The following FMN2 variants were observed in gnomAD, a reference collection of about 807,000 sequenced individuals.
FMN2 encodes formin-2.
In FMN2, 51 loss-of-function variants were observed where a neutral mutation model predicts 142.3. The observed-to-expected ratio is 0.36, with a 90% confidence interval of 0.29 to 0.45. The LOEUF is 0.45. Ranked by LOEUF, FMN2 falls within the 20% of genes least tolerant of loss-of-function variation. The pLI, the probability that FMN2 is intolerant of heterozygous loss-of-function variation, is 1.00. For synonymous variants in FMN2, 882 were observed against 869.8 expected (o/e 1.01, Z -0.25); for missense variants, 1,936 against 2,122.8 (o/e 0.91, Z 1.73).
At chr1:240,435,143 A>T (rs952903478) in intron 15 of FMN2, among the ~76,000 whole-genome samples, 3 of 151,654 alleles carry the variant, frequency 2.0e-5, no homozygotes, top group African/African-American at 7.3e-5. Flanking sequence ...TTATTGAAAA[A>T]TTTTTGCCTC....
At chr1:240,374,289 C>T (rs140059504) in intron 14 of FMN2, among the ~76,000 whole-genome samples, 11 of 152,332 alleles carry the variant, frequency 7.2e-5, no homozygotes, top group Non-Finnish European at 1.3e-4. Context: ...CTCACTTCAA[C>T]TGAAAGTCAC....
At chr1:240,185,657 C>T (rs559609943) in intron 3 of FMN2, among the ~76,000 whole-genome samples, 45 of 152,224 alleles carry the variant, frequency 3.0e-4, no homozygotes, top group Admixed American at 9.2e-4. Context: ...GTCCAGTTAC[C>T]GGGTCAAGGA....
At chr1:240,146,056 A>G (rs1456371413) in intron 2 of FMN2, among the ~76,000 whole-genome samples, 1 of 151,906 alleles carries the variant, frequency 6.6e-6, no homozygotes, top group Admixed American at 6.6e-5. Flanking sequence ...GATAGGGTCT[A>G]CATATGCCAC....
At chr1:240,380,987 C>T (rs891672391) in intron 14 of FMN2, among the ~76,000 whole-genome samples, 1 of 151,942 alleles carries the variant, frequency 6.6e-6, no homozygotes, top group Admixed American at 6.6e-5. Context: ...AACTTAGTAA[C>T]AAGTAATGAA....
intron 15 of FMN2, 96 bp from the exon 16 acceptor site, chr1:240,437,965 G>A (rs1480293958): frequency 7.0e-7 from 1 of 1,418,832 alleles, no homozygotes; most frequent in African/African-American, 1.4e-5. Flanking sequence ...AATAATAATT[G>A]TGCATGAATA....
chr1:240,250,508 T>G (rs989616356), intron 6 of FMN2, among the ~76,000 whole-genome samples: 2 of 152,200 alleles, frequency 1.3e-5, no homozygotes, highest in East Asian at 1.9e-4. Flanking sequence ...TAAGGATTTT[T>G]GCATCTCTGT....
intron 1 of FMN2, among the ~76,000 whole-genome samples, chr1:240,112,709 G>T (rs1367581885): frequency 1.3e-5 from 2 of 152,204 alleles, no homozygotes; most frequent in African/African-American, 4.8e-5. Flanking sequence ...TGCACCTGCT[G>T]GGGGTGTGTT....
At chr1:240,438,722 A>G (rs1354769851) in intron 16 of FMN2, among the ~76,000 whole-genome samples, 1 of 152,186 alleles carries the variant, frequency 6.6e-6, no homozygotes, top group African/African-American at 2.4e-5. Flanking sequence ...TCTAAAATAA[A>G]TCTTTTCAGG....
In FMN2 at chr1:240,121,961, A is replaced by G. The variant is rs111407854; in HGVS notation, c.1616-1218A>G. Among the ~76,000 whole-genome samples the G allele has an allele frequency of 7.2e-5, 11 of 151,806 alleles. 1 individual carries two copies. The highest frequency in any genetic ancestry group is 1.9e-4 in the African/African-American group (8 of 41,374). On this transcript the variant is annotated intron_variant, in intron 1 of 17. Transcript: ENST00000319653. Reference sequence around the variant, plus strand: ...ATGATGGACACTGTGAATGTCAGTCACTGATATTTCTGAGTCTAAATGGCG... The same window carrying G: ...ATGATGGACACTGTGAATGTCAGTCGCTGATATTTCTGAGTCTAAATGGCG...
intron 15 of FMN2, among the ~76,000 whole-genome samples, chr1:240,395,502 A>G (rs1673744566): frequency 6.6e-6 from 1 of 152,244 alleles, no homozygotes. Flanking sequence ...TCACCATTCT[A>G]GATGCCATCA....
rs1253900743 is a variant in FMN2, at chr1:240,170,039, G to A, written c.1783-7882G>A. The A allele has an allele frequency of 1.4e-5, 8 of 570,682 alleles. No individual in the cohort carries two copies. In the African/African-American group the frequency reaches 1.5e-4, roughly 11 times the overall value. 35.4% of individuals were successfully genotyped at this position (570,682 alleles called of 1,614,324 possible). ...AACTCAGATTAATTCCCACACAGATGGACATTCTGTCTCTACTCACAGATA... is the reference window on the plus strand; with the variant it reads ...AACTCAGATTAATTCCCACACAGATAGACATTCTGTCTCTACTCACAGATA... On this transcript the variant is annotated intron_variant, in intron 2 of 17. Transcript: ENST00000319653.
intron 15 of FMN2, among the ~76,000 whole-genome samples, chr1:240,410,719 T>C (rs1197569355): frequency 6.6e-6 from 1 of 152,248 alleles, no homozygotes; most frequent in Non-Finnish European, 1.5e-5. Flanking sequence ...TGATAAATTG[T>C]CTGCTTTTCT....
At chr1:240,360,860 C>G (rs562941997) in intron 14 of FMN2, among the ~76,000 whole-genome samples, 5 of 151,946 alleles carry the variant, frequency 3.3e-5, no homozygotes, top group East Asian at 1.9e-4. Flanking sequence ...TCTCAGCAAA[C>G]TATCGCAAGG....
intron 3 of FMN2, among the ~76,000 whole-genome samples, chr1:240,181,308 T>G (rs568881859): frequency 1.0e-3 from 158 of 152,336 alleles, no homozygotes; most frequent in African/African-American, 3.3e-3. Context: ...TGGGCCTTTT[T>G]TCCAGCTCTT....
At chr1:240,149,493 TTTA>T (rs1284616942) in intron 2 of FMN2, among the ~76,000 whole-genome samples, 1 of 152,222 alleles carries the variant, frequency 6.6e-6, no homozygotes, top group Non-Finnish European at 1.5e-5. Context: ...AGTGTTGATT[TTTA>T]TTTTCCCCAT....
rs140615241 is a variant in FMN2, at chr1:240,135,102, A to T, written c.1782+11757A>T. ...TGCAAGTGTCTGGCATACTTGACAG[A>T]TAACGTGGCATGGAAGAATGAATCG... is the stretch of plus-strand genomic sequence containing the variant. On this transcript the variant is annotated intron_variant, in intron 2 of 17. Transcript: ENST00000319653. Among the ~76,000 whole-genome samples, 1,386 of 152,318 alleles carry T rather than the reference A, an allele frequency of 9.1e-3. 23 individuals carry two copies. Among genetic ancestry groups the T allele is most frequent in the African/African-American group, 0.031 (1,305 of 41,554 alleles).
At chr1:240,115,961 C>T (rs1280596589) in intron 1 of FMN2, among the ~76,000 whole-genome samples, 1 of 152,168 alleles carries the variant, frequency 6.6e-6, no homozygotes, top group African/African-American at 2.4e-5. Flanking sequence ...GCCCCTCCCC[C>T]TTAAAGAACA....
At chr1:240,112,468 C>G (rs1661850264) in intron 1 of FMN2, among the ~76,000 whole-genome samples, 1 of 152,010 alleles carries the variant, frequency 6.6e-6, no homozygotes, top group Non-Finnish European at 1.5e-5. Context: ...ATATTAGAGG[C>G]TGGGTTTGAA....
intron 2 of FMN2, chr1:240,171,433 A>T (rs1206179787): frequency 2.2e-6 from 1 of 460,984 alleles, no homozygotes; most frequent in African/African-American, 2.0e-5. Context: ...CTCTGTAATC[A>T]AGGCAAGGAT....
Sources: allele counts gnomAD v4.1 joint callset (sites outside exome capture counted in the v4.1 genomes callset), GRCh38; gene constraint gnomAD v4.1.1; transcripts MANE v1.5; gene names NCBI Gene and HGNC (gene_info 2026-07-23, HGNC 2026-07-21).